Variants in SGCZ observed in about 807,000 individuals in gnomAD.
The protein encoded by SGCZ is sarcoglycan zeta.
Under a neutral mutation model 41.3 loss-of-function variants are expected in SGCZ, and 40 were observed. That is an observed-to-expected ratio of 0.97 (90% CI 0.75 to 1.26). The LOEUF (loss-of-function observed/expected upper bound fraction) is 1.26. Among genes scored for constraint, SGCZ ranks in the 50% most tolerant of loss-of-function variants. SGCZ has a pLI of 0.00. For synonymous variants in SGCZ, 206 were observed against 137.5 expected (o/e 1.50, Z -3.49); for missense variants, 552 against 369.8 (o/e 1.49, Z -4.04).
intron 4 of SGCZ, among the ~76,000 whole-genome samples, chr8:14,182,924 C>T (rs1050500513): frequency 4.0e-5 from 6 of 150,112 alleles, no homozygotes; most frequent in Admixed American, 2.7e-4. Context: ...ACAGGAGAAT[C>T]GCTTGAACCC....
At chr8:15,146,348 T>G (rs1467346961) in intron 1 of SGCZ, among the ~76,000 whole-genome samples, 2 of 152,200 alleles carry the variant, frequency 1.3e-5, no homozygotes, top group Admixed American at 1.3e-4. Context: ...TAATCAATTA[T>G]TTGAGGAAGC....
chr8:15,085,661 A>C (rs1805921941), intron 1 of SGCZ, among the ~76,000 whole-genome samples: 1 of 152,140 alleles, frequency 6.6e-6, no homozygotes. Flanking sequence ...GTTGAACTAT[A>C]ATGTACATTT....
chr8:14,171,174 C>A (rs1459662995), intron 4 of SGCZ, among the ~76,000 whole-genome samples: 1 of 149,114 alleles, frequency 6.7e-6, no homozygotes, highest in Non-Finnish European at 1.5e-5. Context: ...AAAACTAACA[C>A]CTCAGAATTT....
At chr8:15,202,954 C>T (rs893295845) in intron 1 of SGCZ, among the ~76,000 whole-genome samples, 1 of 151,856 alleles carries the variant, frequency 6.6e-6, no homozygotes, top group Admixed American at 6.6e-5. Flanking sequence ...CTACAAAAAT[C>T]CAAAAATTTT....
At chr8:14,870,871 A>G (rs1804122605) in intron 1 of SGCZ, among the ~76,000 whole-genome samples, 1 of 152,188 alleles carries the variant, frequency 6.6e-6, no homozygotes, top group Non-Finnish European at 1.5e-5. Flanking sequence ...CAAAACCACA[A>G]GGAGATACCA....
chr8:14,342,316 T>G (rs975514639), intron 2 of SGCZ, among the ~76,000 whole-genome samples: 1 of 152,142 alleles, frequency 6.6e-6, no homozygotes, highest in Admixed American at 6.5e-5. Context: ...GCAGAAGAAA[T>G]TTCTTTTTTT....
chr8:15,000,827 T>A (rs1030275115), intron 1 of SGCZ, among the ~76,000 whole-genome samples: 2 of 152,190 alleles, frequency 1.3e-5, no homozygotes, highest in African/African-American at 4.8e-5. Flanking sequence ...TTTTTGGATG[T>A]CTGTCTGTCT....
chr8:14,480,278 G>A (rs368658871), intron 2 of SGCZ, among the ~76,000 whole-genome samples: 1 of 152,068 alleles, frequency 6.6e-6, no homozygotes, highest in African/African-American at 2.4e-5. Flanking sequence ...TAGCAACAGC[G>A]TCTACATTCT....
chr8:14,617,859 T>C (rs1006859217), intron 1 of SGCZ, among the ~76,000 whole-genome samples: 2 of 38,852 alleles, frequency 5.1e-5, no homozygotes, highest in African/African-American at 1.2e-4. Context: ...TATGTGTGTG[T>C]GTGTGTGTGT....
chr8:15,128,988 A>G (rs1362458510), intron 1 of SGCZ, among the ~76,000 whole-genome samples: 1 of 152,196 alleles, frequency 6.6e-6, no homozygotes, highest in East Asian at 1.9e-4. Context: ...CCTGTAAAAG[A>G]AAATCTGTCT....
chr8:15,015,635 C>G (rs1308392167), intron 1 of SGCZ, among the ~76,000 whole-genome samples: 1 of 146,612 alleles, frequency 6.8e-6, no homozygotes, highest in Non-Finnish European at 1.5e-5. Flanking sequence ...TTGCAGTGAG[C>G]CGAAATCACG....
chr8:14,183,747 T>C (rs1804810162), intron 4 of SGCZ, among the ~76,000 whole-genome samples: 1 of 152,170 alleles, frequency 6.6e-6, no homozygotes, highest in African/African-American at 2.4e-5. Flanking sequence ...AAGGTTTCCC[T>C]GTAAACTAAG....
At chr8:14,352,354 T>C (rs2117107274) in intron 2 of SGCZ, among the ~76,000 whole-genome samples, 1 of 152,114 alleles carries the variant, frequency 6.6e-6, no homozygotes, top group South Asian at 2.1e-4. Flanking sequence ...GTAAATTTTG[T>C]CTTGGGAGGA....
intron 1 of SGCZ, among the ~76,000 whole-genome samples, chr8:14,865,138 C>A (rs909727107): frequency 6.6e-6 from 1 of 152,004 alleles, no homozygotes; most frequent in Non-Finnish European, 1.5e-5. Context: ...TAAGATAAAA[C>A]TCAGTGTCCT....
At chr8:14,678,068 GA>G (rs1227163229) in intron 1 of SGCZ, among the ~76,000 whole-genome samples, 1 of 152,056 alleles carries the variant, frequency 6.6e-6, no homozygotes, top group African/African-American at 2.4e-5. Flanking sequence ...AACTTAAATG[GA>G]AAACACAGAA....
At chr8:14,887,198 T>C (rs1804841666) in intron 1 of SGCZ, among the ~76,000 whole-genome samples, 1 of 152,168 alleles carries the variant, frequency 6.6e-6, no homozygotes, top group South Asian at 2.1e-4. Flanking sequence ...GAGATATAAA[T>C]TTTAGGGTCC....
At chr8:14,181,705 T>G (rs138294998) in intron 4 of SGCZ, among the ~76,000 whole-genome samples, 1 of 152,206 alleles carries the variant, frequency 6.6e-6, no homozygotes, top group African/African-American at 2.4e-5. Flanking sequence ...CGCTCTTGCC[T>G]GCTGCTATGT....
chr8:14,519,120 AT>A (rs1285068358), intron 2 of SGCZ, among the ~76,000 whole-genome samples: 1 of 151,430 alleles, frequency 6.6e-6, no homozygotes, highest in Non-Finnish European at 1.5e-5. Flanking sequence ...TTTCTTCATG[AT>A]TTTAGTTCTT....
intron 1 of SGCZ, among the ~76,000 whole-genome samples, chr8:14,935,492 G>A (rs1800055600): frequency 6.6e-6 from 1 of 150,466 alleles, no homozygotes; most frequent in African/African-American, 2.5e-5. Flanking sequence ...CTTATTAAAA[G>A]ATCCAGTTAT....
Sources: gnomAD v4.1 joint callset for allele counts (sites outside exome capture counted in the v4.1 genomes callset) on GRCh38, gnomAD v4.1.1 for gene constraint, MANE v1.5 for transcripts, NCBI Gene and HGNC (gene_info 2026-07-23, HGNC 2026-07-21) for gene names.